The following OSR2 variants were observed in gnomAD, a reference collection of about 807,000 sequenced individuals.
The protein encoded by OSR2 is protein odd-skipped-related 2.
In OSR2, 8 loss-of-function variants were observed where a neutral mutation model predicts 22.3. The ratio of observed to expected loss-of-function variants is 0.36; its 90% CI spans 0.21 to 0.65. The LOEUF (loss-of-function observed/expected upper bound fraction) is 0.65. Ranked by LOEUF, OSR2 falls within the 30% of genes least tolerant of loss-of-function variation. The pLI, the probability that OSR2 is intolerant of heterozygous loss-of-function variation, is 0.66. For synonymous variants in OSR2, 179 were observed against 173.8 expected (o/e 1.03, Z -0.23); for missense variants, 311 against 413.4 (o/e 0.75, Z 2.15).
At position 98,944,759 on chromosome 8, in the gene OSR2, G is replaced by A. The variant is rs977661951; in HGVS notation, c.-179G>A. 1 of 152,310 alleles carries A rather than the reference G, an allele frequency of 6.6e-6. No individual in the cohort carries two copies. The allele number at this position is 152,310 out of a possible 1,614,324, so 9.4% of individuals were successfully genotyped here. Reference sequence around the variant, plus strand: ...GGCGTGGACTCAATGACCTTTCCAAGCTGTGCGCCTCGCTGCCTGGACCGG... The same window carrying A: ...GGCGTGGACTCAATGACCTTTCCAAACTGTGCGCCTCGCTGCCTGGACCGG... On this transcript the variant is annotated 5_prime_UTR_variant, in exon 1 of 4. Coordinates refer to ENST00000297565, the MANE Select transcript of OSR2 (RefSeq NM_001142462.3).
Position 98,949,013 on chromosome 8 carries a change from T to C in OSR2, c.61T>C (p.Tyr21His), listed in dbSNP as rs756489836. ...CCACCCGTCGCTGCAGCTCACCAAT[T>C]ACTCCTTCCTGCAGGCCGTGAACAC... ...PLHPSLQLTN[Y>H]SFLQAVNTFP... Residue 21 changes from tyrosine (Y) to histidine (H), a missense_variant, in exon 2 of 4, where the codon TAC becomes CAC. Transcript: ENST00000297565. The surrounding 1 kb of genome is among the most constrained non-coding windows in gnomAD (Gnocchi z 5.9). 6.2e-7 allele frequency: 1 copy of C among 1,613,890 alleles called. No homozygotes were observed. Among genetic ancestry groups the C allele is most frequent in the Non-Finnish European group, 8.5e-7 (1 of 1,179,880 alleles).
chr8:98,949,496 A>G lies in OSR2; in HGVS notation c.544A>G (p.Thr182Ala). The G allele has an allele frequency of 6.2e-7, 1 of 1,614,080 alleles. No homozygotes were observed. Residue 182 changes from threonine to alanine, a missense_variant, in exon 2 of 4, where the codon ACC becomes GCC. Physicochemically the swap from Thr to Ala is moderately conservative, Grantham distance 58. Around this residue, in one of 5 missense-constraint regions of OSR2, gnomAD observed 39 missense variants for 90.5 expected, o/e 0.43. Coordinates refer to ENST00000297565, the MANE Select transcript of OSR2 (RefSeq NM_001142462.3). The surrounding 1 kb of genome is among the most constrained non-coding windows in gnomAD (Gnocchi z 5.9). The part of the protein sequence containing the change: ...FICKFCGRHF[T>A]KSYNLLIHER... ...CTGCAAGTTTTGCGGCAGACACTTT[A>G]CCAAATCCTACAATTTGCTCATCCA...
In OSR2 at chr8:98,948,233, A is replaced by T. The variant is rs962621665; in HGVS notation, c.-114-606A>T. 4.1e-6 allele frequency: 6 copies of T among 1,475,454 alleles called. No individual in the cohort carries two copies. The highest frequency in any genetic ancestry group is 4.5e-6 in the Non-Finnish European group (5 of 1,115,006). The allele number at this position is 1,475,454 out of a possible 1,614,324, so 91.4% of individuals were successfully genotyped here. ...TCCGAGGTCAGTGCGGGGCGAGGTG[A>T]GCCCCTCCCAGGGCCCTCTGGCCCA... On this transcript the variant is annotated intron_variant, in intron 1 of 3. Coordinates refer to ENST00000297565, the MANE Select transcript of OSR2 (RefSeq NM_001142462.3). The surrounding 1 kb of genome is among the most constrained non-coding windows in gnomAD (Gnocchi z 6.0).
intron 3 of OSR2, 102 bp downstream of exon 3, chr8:98,950,857 TTTAGA>T: frequency 4.0e-6 from 3 of 755,746 alleles, no homozygotes; most frequent in Non-Finnish European, 4.7e-6. Flanking sequence ...AAAGGCTCTA[TTTAGA>T]TTAGTTCTCT....
At position 98,948,703 on chromosome 8, in the gene OSR2, TCA is replaced by T. The variant is rs1402900530; in HGVS notation, c.-114-134_-114-133del. On this transcript the variant is annotated intron_variant, in intron 1 of 3. Coordinates refer to ENST00000297565, the MANE Select transcript of OSR2 (RefSeq NM_001142462.3). The surrounding 1 kb of genome is among the most constrained non-coding windows in gnomAD (Gnocchi z 6.0). ...GGTGCCAAGGTGCCACGCAGTCCCC[TCA>T]CGGCTTTCGGGGGGTCTTGGAGTCG... 13 of 1,175,994 alleles carry T rather than the reference TCA, an allele frequency of 1.1e-5. No individual in the cohort carries two copies. The African/African-American group carries it at 1.9e-4, about 17-fold the overall frequency. The allele number at this position is 1,175,994 out of a possible 1,614,324, so 72.8% of individuals were successfully genotyped here.
chr8:98,951,794 A>G lies in OSR2; in HGVS notation c.*93A>G, dbSNP rs1840791298. The G allele has an allele frequency of 7.7e-7, 1 of 1,291,070 alleles. No individual in the cohort carries two copies. Among genetic ancestry groups the G allele is most frequent in the South Asian group, 1.5e-5 (1 of 68,636 alleles). The allele number at this position is 1,291,070 out of a possible 1,614,324, so 80.0% of individuals were successfully genotyped here. A position where few individuals can be genotyped will look rare whatever the true frequency, so the allele number is the denominator to read the frequency against. ...CAGGGGGTCGCATCCCTAGCCCTTCACTGACCCCAGCTCTTCCCTTGCTGC... is the reference window on the plus strand; with the variant it reads ...CAGGGGGTCGCATCCCTAGCCCTTCGCTGACCCCAGCTCTTCCCTTGCTGC... On this transcript the variant is annotated 3_prime_UTR_variant, in exon 4 of 4. Coordinates refer to ENST00000297565, the MANE Select transcript of OSR2 (RefSeq NM_001142462.3).
chr8:98,951,355 A>T (rs1055763554), intron 3 of OSR2, among the ~76,000 whole-genome samples, 164 bp from the exon 4 acceptor site: 1 of 152,172 alleles, frequency 6.6e-6, no homozygotes, highest in Non-Finnish European at 1.5e-5. Flanking sequence ...GTGTATTTTC[A>T]TGATTGGAAG....
In OSR2 at chr8:98,949,732, G is replaced by C; in HGVS notation, c.656+124G>C. The stretch of plus-strand genomic sequence containing the variant: ...TGATCTAAAATACACCCTCAGTCAC[G>C]CTCCTCAGCCCGGTTCAGCTAATTC... On this transcript the variant is annotated intron_variant, in intron 2 of 3. Transcript: ENST00000297565. This position sits in a 1 kb window ranked among gnomAD's most constrained non-coding sequence, Gnocchi z 5.9. 1 of 1,171,344 alleles carries C rather than the reference G, an allele frequency of 8.5e-7. No homozygotes were observed. The highest frequency in any genetic ancestry group is 1.6e-5 in the South Asian group (1 of 63,900). The allele number at this position is 1,171,344 out of a possible 1,614,324, so 72.6% of individuals were successfully genotyped here. A position where few individuals can be genotyped will look rare whatever the true frequency, so the allele number is the denominator to read the frequency against.
Position 98,949,403 on chromosome 8 carries a change from A to G in OSR2, c.451A>G (p.Ser151Gly), listed in dbSNP as rs760280517. ...ACTGGGTAGCCCCATCTCGGGCCTC[A>G]GTAAATTGACTCCGGACAGAAAGCC... ...PGLGSPISGL[S>G]KLTPDRKPSR... The change falls in exon 2 of 4, where the codon AGT becomes GGT. Residue 151 changes from serine (S) to glycine (G), a missense_variant. Ser to Gly is a moderately conservative substitution (Grantham distance 56, BLOSUM62 0). Around this residue, in one of 5 missense-constraint regions of OSR2, gnomAD observed 53 missense variants for 59.5 expected, o/e 0.89. Coordinates refer to ENST00000297565, the MANE Select transcript of OSR2 (RefSeq NM_001142462.3). This position sits in a 1 kb window ranked among gnomAD's most constrained non-coding sequence, Gnocchi z 5.9. The G allele has an allele frequency of 6.2e-7, 1 of 1,613,818 alleles. No individual in the cohort carries two copies. The highest frequency in any genetic ancestry group is 1.3e-5 in the African/African-American group (1 of 74,950).
chr8:98,948,215 T>TCAGTGCGG lies in OSR2; in HGVS notation c.-114-623_-114-616dup, dbSNP rs773855509. 2.1e-6 allele frequency: 3 copies of TCAGTGCGG among 1,434,674 alleles called. No homozygotes were observed. In the South Asian group the frequency reaches 4.2e-5, roughly 20 times the overall value. 88.9% of individuals were successfully genotyped at this position (1,434,674 alleles called of 1,614,324 possible). The stretch of plus-strand genomic sequence containing the variant: ...GGAAGGAAAAAGAAAACCTCCGAGG[T>TCAGTGCGG]CAGTGCGGGGCGAGGTGAGCCCCTC... On this transcript the variant is annotated intron_variant, in intron 1 of 3. Coordinates refer to ENST00000297565, the MANE Select transcript of OSR2 (RefSeq NM_001142462.3). This position sits in a 1 kb window ranked among gnomAD's most constrained non-coding sequence, Gnocchi z 6.0.
rs768912828 is a variant in OSR2, at chr8:98,951,648, A to T, written c.886A>T (p.Asn296Tyr). The T allele has an allele frequency of 1.2e-6, 2 of 1,613,954 alleles. No individual in the cohort carries two copies. The highest frequency in any genetic ancestry group is 2.2e-5 in the South Asian group (2 of 91,050). ...GCAGTGCGGCAAAGTGTTCAGGCGA[A>T]ACTGTGATCTGCGGCGGCACAGCCT... ...CEQCGKVFRR[N>Y]CDLRRHSLTH... The change falls in exon 4 of 4, where the codon AAC (asparagine) becomes TAC (tyrosine). Residue 296 changes from asparagine (N) to tyrosine (Y), a missense_variant. Physicochemically the swap from Asn to Tyr is moderately radical, Grantham distance 143. Coordinates refer to ENST00000297565, the MANE Select transcript of OSR2 (RefSeq NM_001142462.3).
Position 98,948,093 on chromosome 8 carries a change from TAGG to T in OSR2, c.-114-739_-114-737del, listed in dbSNP as rs1840663050. The T allele has an allele frequency of 2.2e-6, 3 of 1,338,210 alleles. No homozygotes were observed. The highest frequency in any genetic ancestry group is 2.9e-6 in the Non-Finnish European group (3 of 1,045,624). 82.9% of individuals were successfully genotyped at this position (1,338,210 alleles called of 1,614,324 possible). On this transcript the variant is annotated intron_variant, in intron 1 of 3. Coordinates refer to ENST00000297565, the MANE Select transcript of OSR2 (RefSeq NM_001142462.3). The surrounding 1 kb of genome is among the most constrained non-coding windows in gnomAD (Gnocchi z 6.0). Reference sequence around the variant, plus strand: ...GGGGGTTGGGAGGAGAGCCCGTGGATAGGAGGAGGGGGCGATTCTAGGCCGAAT... The same window carrying T: ...GGGGGTTGGGAGGAGAGCCCGTGGATAGGAGGGGGCGATTCTAGGCCGAAT...
Position 98,951,758 on chromosome 8 carries a change from C to CG in OSR2, c.*58dup. On this transcript the variant is annotated 3_prime_UTR_variant, in exon 4 of 4. Coordinates refer to ENST00000297565, the MANE Select transcript of OSR2 (RefSeq NM_001142462.3). ...GCTCCCCTCCCCAGACACCTCTCCA[C>CG]GTCTCCTACCCAGGGGGTCGCATCC... The CG allele has an allele frequency of 6.5e-7, 1 of 1,534,614 alleles. No homozygotes were observed. The highest frequency in any genetic ancestry group is 2.0e-5 in the Admixed American group (1 of 50,920).
chr8:98,945,347 G>T (rs1840575288), intron 1 of OSR2, among the ~76,000 whole-genome samples: 2 of 152,190 alleles, frequency 1.3e-5, no homozygotes. Context: ...CTGACTGAGG[G>T]GGCCCAAAAG....
rs377174336 is a variant in OSR2, at chr8:98,949,006, C to T, written c.54C>T (p.Leu18=). Residue 18 remains leucine (L), a synonymous_variant, in exon 2 of 4, where the codon CTC becomes CTT. Transcript: ENST00000297565. This position sits in a 1 kb window ranked among gnomAD's most constrained non-coding sequence, Gnocchi z 5.9. The stretch of plus-strand genomic sequence containing the variant: ...TCCCGCTCCACCCGTCGCTGCAGCT[C>T]ACCAATTACTCCTTCCTGCAGGCCG... The part of the protein sequence containing the change: ...APIPLHPSLQ[L]TNYSFLQAVN... 2 of 1,613,880 alleles carry T rather than the reference C, an allele frequency of 1.2e-6. No homozygotes were observed. The highest frequency in any genetic ancestry group is 2.7e-5 in the African/African-American group (2 of 74,944).
Position 98,949,170 on chromosome 8 carries a change from C to G in OSR2, c.218C>G (p.Ala73Gly). Residue 73 changes from alanine (A) to glycine (G), a missense_variant, in exon 2 of 4, where the codon GCG (alanine) becomes GGG (glycine). Ala to Gly is a moderately conservative substitution (Grantham distance 60). Transcript: ENST00000297565. This position sits in a 1 kb window ranked among gnomAD's most constrained non-coding sequence, Gnocchi z 5.9. ...ACCCGCTCCACCATCACGGAGATGG[C>G]GGCGGCGCAGGGCCTCGTGGACGCG... The part of the protein sequence containing the change: ...EITRSTITEM[A>G]AAQGLVDARF... The G allele has an allele frequency of 6.2e-7, 1 of 1,605,366 alleles. No homozygotes were observed. The highest frequency in any genetic ancestry group is 8.5e-7 in the Non-Finnish European group (1 of 1,176,232).
Position 98,948,355 on chromosome 8 carries a change from G to C in OSR2, c.-114-484G>C. ...ACAGGGCGCGGCGGCAGCGCAGCGC[G>C]TGGGATCTCACGACCCATCCGTTAA... On this transcript the variant is annotated intron_variant, in intron 1 of 3. Transcript: ENST00000297565. This position sits in a 1 kb window ranked among gnomAD's most constrained non-coding sequence, Gnocchi z 6.0. 1 of 1,519,008 alleles carries C rather than the reference G, an allele frequency of 6.6e-7. No individual in the cohort carries two copies. The highest frequency in any genetic ancestry group is 8.8e-7 in the Non-Finnish European group (1 of 1,137,078). The allele number at this position is 1,519,008 out of a possible 1,614,324, so 94.1% of individuals were successfully genotyped here.
rs1457335571 is a variant in OSR2, at chr8:98,948,327, G to A, written c.-114-512G>A. The A allele has an allele frequency of 6.6e-7, 1 of 1,523,986 alleles. No homozygotes were observed. The highest frequency in any genetic ancestry group is 2.0e-5 in the Admixed American group (1 of 49,728). 94.4% of individuals were successfully genotyped at this position (1,523,986 alleles called of 1,614,324 possible). On this transcript the variant is annotated intron_variant, in intron 1 of 3. Transcript: ENST00000297565. The surrounding 1 kb of genome is among the most constrained non-coding windows in gnomAD (Gnocchi z 6.0). Reference sequence around the variant, plus strand: ...CATCCGGGTAAGCGCGGGAAAGGCGGCCACAGGGCGCGGCGGCAGCGCAGC... The same window carrying A: ...CATCCGGGTAAGCGCGGGAAAGGCGACCACAGGGCGCGGCGGCAGCGCAGC...
At chr8:98,946,903 C>T (rs542617827) in intron 1 of OSR2, among the ~76,000 whole-genome samples, 1 of 151,284 alleles carries the variant, frequency 6.6e-6, no homozygotes, top group Non-Finnish European at 1.5e-5. Flanking sequence ...CTTTTCAACA[C>T]GAAGGGAAAA....
Sources: gnomAD v4.1 joint callset for allele counts (sites outside exome capture counted in the v4.1 genomes callset) on GRCh38, gnomAD v4.1.1 for gene constraint, gnomAD v4.1.1 regional missense constraint, Gnocchi (gnomAD v3.1) non-coding constraint, MANE v1.5 for transcripts, NCBI Gene and HGNC (gene_info 2026-07-23, HGNC 2026-07-21) for gene names.